The following GAD2 variants were observed in gnomAD, a reference collection of about 807,000 sequenced individuals.
GAD2 encodes the protein glutamate decarboxylase 2, also known as 65 kDa glutamic acid decarboxylase.
Under a neutral mutation model 80.1 loss-of-function variants are expected in GAD2, and 22 were observed. The ratio of observed to expected loss-of-function variants is 0.27; its 90% CI spans 0.20 to 0.39. The LOEUF (loss-of-function observed/expected upper bound fraction) is 0.39, where lower values mean the gene tolerates loss of function less well. Ranked by LOEUF, GAD2 falls within the 10% of genes least tolerant of loss-of-function variation. The pLI, the probability that GAD2 is intolerant of heterozygous loss-of-function variation, is 1.00. For synonymous variants in GAD2, 274 were observed against 256.9 expected (o/e 1.07, Z -0.64); for missense variants, 624 against 738.4 (o/e 0.85, Z 1.80).
chr10:26,255,030 G>A (rs1844927400), intron 8 of GAD2, among the ~76,000 whole-genome samples: 1 of 152,238 alleles, frequency 6.6e-6, no homozygotes, highest in African/African-American at 2.4e-5. Flanking sequence ...GAGAGTGTCT[G>A]GTAGGCAGGT....
At chr10:26,220,236 C>T (rs1305762595) in intron 4 of GAD2, among the ~76,000 whole-genome samples, 3 of 151,992 alleles carry the variant, frequency 2.0e-5, no homozygotes, top group Non-Finnish European at 4.4e-5. Context: ...CTTTGTGGAT[C>T]GAAGTTGATG....
At chr10:26,218,018 G>C (rs1242595223) in intron 3 of GAD2, 27 bp downstream of exon 3, 2 of 1,577,980 alleles carry the variant, frequency 1.3e-6, no homozygotes, top group African/African-American at 2.7e-5. Context: ...GAGCCCCGGG[G>C]CGCCCCTGCC....
At chr10:26,274,234 C>T (rs189134188) in intron 11 of GAD2, among the ~76,000 whole-genome samples, 74 of 152,288 alleles carry the variant, frequency 4.9e-4, no homozygotes, top group Admixed American at 1.0e-3. Context: ...GTTTCATTCC[C>T]GTAATAACCT....
chr10:26,224,613 G>T lies in GAD2; in HGVS notation c.686G>T (p.Gly229Val). The change falls in exon 6 of 16, where the codon GGC becomes GTC. Residue 229 changes from glycine (G) to valine (V), a missense_variant. Coordinates refer to ENST00000376261, the MANE Select transcript of GAD2 (RefSeq NM_001134366.2). ...VTLKKMREIIGWPGGSGDGIF... is the reference protein window; with the variant it reads ...VTLKKMREIIVWPGGSGDGIF... Reference sequence around the variant, plus strand: ...CTAAAGAAAATGAGAGAAATCATTGGCTGGCCAGGGGGCTCTGGCGATGGG... The same window carrying T: ...CTAAAGAAAATGAGAGAAATCATTGTCTGGCCAGGGGGCTCTGGCGATGGG... 1 of 1,613,874 alleles carries T rather than the reference G, an allele frequency of 6.2e-7. No individual in the cohort carries two copies. Among genetic ancestry groups the T allele is most frequent in the Non-Finnish European group, 8.5e-7 (1 of 1,179,786 alleles).
At chr10:26,295,328 A>G (rs1450809672) in intron 15 of GAD2, among the ~76,000 whole-genome samples, 1 of 152,188 alleles carries the variant, frequency 6.6e-6, no homozygotes, top group Non-Finnish European at 1.5e-5. Flanking sequence ...CAATTTTATT[A>G]CTGTAATCAA....
At position 26,273,661 on chromosome 10, in the gene GAD2, T is replaced by C. The variant is rs781051495; in HGVS notation, c.1118T>C (p.Met373Thr). 2 of 1,613,846 alleles carry C rather than the reference T, an allele frequency of 1.2e-6. No individual in the cohort carries two copies. Among genetic ancestry groups the C allele is most frequent in the Admixed American group, 1.7e-5 (1 of 59,954 alleles). The change falls in exon 11 of 16, where the codon ATG (methionine) becomes ACG (threonine). Residue 373 changes from methionine to threonine, a missense_variant. Physicochemically the swap from Met to Thr is moderately conservative, Grantham distance 81. Coordinates refer to ENST00000376261, the MANE Select transcript of GAD2 (RefSeq NM_001134366.2). ...VDAAWGGGLL[M>T]SRKHKWKLSG... ...GCAGCTTGGGGTGGGGGATTACTGA[T>C]GTCCCGAAAACACAAGTGGAAACTG...
chr10:26,280,716 T>C (rs1470487813), intron 11 of GAD2, among the ~76,000 whole-genome samples: 2 of 152,018 alleles, frequency 1.3e-5, no homozygotes, highest in African/African-American at 4.8e-5. Flanking sequence ...TACAGTATCA[T>C]GGGAGCATGG....
At position 26,302,985 on chromosome 10, in the gene GAD2, A is replaced by G. The variant is rs888065162; in HGVS notation, c.*2024A>G. 4 of 152,218 alleles carry G rather than the reference A, an allele frequency of 2.6e-5. No individual in the cohort carries two copies. Among genetic ancestry groups the G allele is most frequent in the South Asian group, 2.1e-4 (1 of 4,834 alleles). The allele number at this position is 152,218 out of a possible 1,614,324, so 9.4% of individuals were successfully genotyped here. On this transcript the variant is annotated 3_prime_UTR_variant, in exon 16 of 16. Coordinates refer to ENST00000376261, the MANE Select transcript of GAD2 (RefSeq NM_001134366.2). ...CTGAGAATAAGCACATAGCTGCCCG[A>G]CTATCCGGAGCCTCAGGCCCAAAGG...
At chr10:26,279,961 A>T (rs1845253495) in intron 11 of GAD2, among the ~76,000 whole-genome samples, 1 of 152,258 alleles carries the variant, frequency 6.6e-6, no homozygotes, top group South Asian at 2.1e-4. Flanking sequence ...GATCGAGTTA[A>T]GCAGTGGAAT....
At chr10:26,254,412 G>A (rs944817944) in intron 8 of GAD2, among the ~76,000 whole-genome samples, 1 of 152,212 alleles carries the variant, frequency 6.6e-6, no homozygotes, top group South Asian at 2.1e-4. Flanking sequence ...CTGACAGGAG[G>A]CGGGGCTCAG....
At chr10:26,279,382 G>A (rs926158667) in intron 11 of GAD2, among the ~76,000 whole-genome samples, 2 of 152,216 alleles carry the variant, frequency 1.3e-5, no homozygotes, top group Non-Finnish European at 2.9e-5. Flanking sequence ...AATTCTCTGA[G>A]AACAAAAGTT....
intron 8 of GAD2, among the ~76,000 whole-genome samples, chr10:26,257,366 G>C (rs1391343150): frequency 6.6e-6 from 1 of 152,198 alleles, no homozygotes; most frequent in African/African-American, 2.4e-5. Flanking sequence ...GACAGAGCGA[G>C]ATTCCGTCTC....
At chr10:26,292,841 T>C (rs1834231697) in intron 14 of GAD2, 61 bp from the exon 15 acceptor site, 3 of 1,328,218 alleles carry the variant, frequency 2.3e-6, no homozygotes, top group Middle Eastern at 1.8e-4. Context: ...TTTGAAATGT[T>C]CTTGGAATTT....
chr10:26,280,423 T>G (rs1327262647), intron 11 of GAD2, among the ~76,000 whole-genome samples: 1 of 152,186 alleles, frequency 6.6e-6, no homozygotes, highest in African/African-American at 2.4e-5. Flanking sequence ...AACACTGGTT[T>G]GGTCTGGAAA....
chr10:26,248,842 G>A (rs1210688530), intron 8 of GAD2, among the ~76,000 whole-genome samples: 5 of 152,126 alleles, frequency 3.3e-5, no homozygotes, highest in Non-Finnish European at 5.9e-5. Context: ...TTCTTTTGGG[G>A]CAAGGAGAGC....
chr10:26,291,571 A>G (rs1834214214), intron 13 of GAD2, among the ~76,000 whole-genome samples: 1 of 152,200 alleles, frequency 6.6e-6, no homozygotes, highest in African/African-American at 2.4e-5. Flanking sequence ...AAGTGGGCCC[A>G]TCTCATCTCC....
At position 26,280,994 on chromosome 10, in the gene GAD2, AT is replaced by A. The variant is rs759705755; in HGVS notation, c.1158-12del. ...GGGTGGAGTGCCACCCGCTTATGTG[AT>A]TTCTTTATTTTAGGGCCAACTCTGT... On this transcript the variant is annotated splice_polypyrimidine_tract_variant and intron_variant, in intron 11 of 15. Coordinates refer to ENST00000376261, the MANE Select transcript of GAD2 (RefSeq NM_001134366.2). 1.9e-6 allele frequency: 3 copies of A among 1,610,358 alleles called. No individual in the cohort carries two copies. The highest frequency in any genetic ancestry group is 2.7e-5 in the African/African-American group (2 of 74,804).
rs113242575 is a variant in GAD2, at chr10:26,270,730, A to G, written c.1066A>G (p.Lys356Glu). The G allele has an allele frequency of 2.5e-6, 4 of 1,613,426 alleles. No homozygotes were observed. Among genetic ancestry groups the G allele is most frequent in the Middle Eastern group, 3.3e-4 (2 of 6,060 alleles). Residue 356 changes from lysine to glutamate, a missense_variant, in exon 10 of 16, where the codon AAG becomes GAG. Physicochemically the swap from Lys to Glu is moderately conservative, Grantham distance 56. Transcript: ENST00000376261. ...CTTAGCTGTCGCTGACATTTGCAAA[A>G]AGTATAAGATCTGGATGCATGTGGA... Reference protein sequence around the residue: ...PLLAVADICKKYKIWMHVDAA... With the variant: ...PLLAVADICKEYKIWMHVDAA...
intron 15 of GAD2, among the ~76,000 whole-genome samples, chr10:26,295,708 C>T (rs1192098807): frequency 6.6e-6 from 1 of 152,156 alleles, no homozygotes; most frequent in Non-Finnish European, 1.5e-5. Context: ...AGTCACTCAA[C>T]TTGTGCCCAA....
Sources: allele counts gnomAD v4.1 joint callset (sites outside exome capture counted in the v4.1 genomes callset), GRCh38; gene constraint gnomAD v4.1.1; transcripts MANE v1.5; gene names NCBI Gene and HGNC (gene_info 2026-07-23, HGNC 2026-07-21).